Variants in TG observed in about 807,000 individuals in gnomAD.
TG encodes thyroid hormones.
In TG, 270 loss-of-function variants were observed where a neutral mutation model predicts 324.7. The observed-to-expected ratio is 0.83, with a 90% CI of 0.75 to 0.92. The LOEUF (loss-of-function observed/expected upper bound fraction) is 0.92, where lower values mean the gene tolerates loss of function less well. Among genes scored for constraint, TG ranks in the 40% least tolerant of loss-of-function variants. The pLI, the probability that TG is intolerant of heterozygous loss-of-function variation, is 0.00. For missense variants in TG, 3,591 were observed against 3,456.4 expected (o/e 1.04, Z -0.98); for synonymous variants, 1,401 against 1,327.0 (o/e 1.06, Z -1.21).
At chr8:133,100,917 T>C (rs1401643033) in intron 43 of TG, among the ~76,000 whole-genome samples, 1 of 152,196 alleles carries the variant, frequency 6.6e-6, no homozygotes, top group African/African-American at 2.4e-5. Flanking sequence ...TTATCTCAAC[T>C]GTATGGCTGT....
intron 34 of TG, among the ~76,000 whole-genome samples, chr8:132,976,604 C>T (rs989035888): frequency 8.5e-5 from 13 of 152,172 alleles, no homozygotes; most frequent in Non-Finnish European, 1.2e-4. Context: ...TGCCTGCTTG[C>T]AGTGTCTGGG....
intron 37 of TG, among the ~76,000 whole-genome samples, chr8:133,015,498 T>A (rs1249380682): frequency 1.3e-5 from 2 of 152,180 alleles, no homozygotes; most frequent in African/African-American, 4.8e-5. Context: ...TCTAACATTT[T>A]CCCCGTGTTT....
chr8:132,876,539 A>G (rs1201971243), intron 5 of TG, among the ~76,000 whole-genome samples: 2 of 152,154 alleles, frequency 1.3e-5, no homozygotes, highest in African/African-American at 4.8e-5. Flanking sequence ...TGCTGCTGTG[A>G]GTTATTTATG....
intron 41 of TG, among the ~76,000 whole-genome samples, chr8:133,065,204 G>C (rs958301436): frequency 4.6e-5 from 7 of 152,208 alleles, no homozygotes; most frequent in African/African-American, 1.2e-4. Context: ...TGGTCAGCAA[G>C]CATCCTCTGC....
rs1474625104 is a variant in TG, at chr8:132,886,788, T to C, written c.1416T>C (p.Phe472=). The C allele has an allele frequency of 1.9e-6, 3 of 1,614,246 alleles. No homozygotes were observed. The highest frequency in any genetic ancestry group is 2.5e-6 in the Non-Finnish European group (3 of 1,180,048). The change falls in exon 9 of 48, where the codon TTT becomes TTC. Residue 472 remains phenylalanine, a synonymous_variant. Transcript: ENST00000220616. ...TNPKRLQQNL[F]GGKFLVNVGQ... ...CAAAGAGACTCCAGCAAAACCTTTTTGGAGGGAAATTTTTGGTGAATGTTG... is the reference window on the plus strand; with the variant it reads ...CAAAGAGACTCCAGCAAAACCTTTTCGGAGGGAAATTTTTGGTGAATGTTG...
Position 132,887,378 on chromosome 8 carries a change from T to A in TG, c.2006T>A (p.Met669Lys), listed in dbSNP as rs765396579. The change falls in exon 9 of 48, where the codon ATG becomes AAG. Residue 669 changes from methionine (M) to lysine (K), a missense_variant. Met to Lys is a moderately conservative substitution (Grantham distance 95, BLOSUM62 -1). Coordinates refer to ENST00000220616, the MANE Select transcript of TG (RefSeq NM_003235.5). ...PTDCEKQRAR[M>K]QSLMGSQPAG... The stretch of plus-strand genomic sequence containing the variant: ...GACTGTGAAAAGCAAAGGGCTCGCA[T>A]GCAAAGCCTCATGGGCAGCCAGCCT... The A allele has an allele frequency of 6.2e-7, 1 of 1,614,218 alleles. No individual in the cohort carries two copies. Among genetic ancestry groups the A allele is most frequent in the Non-Finnish European group, 8.5e-7 (1 of 1,180,028 alleles).
Position 132,887,466 on chromosome 8 carries a change from C to G in TG, c.2094C>G (p.Cys698Trp). ...TSEGHFLPVQCFNSECYCVDA... is the reference protein window; with the variant it reads ...TSEGHFLPVQWFNSECYCVDA... ...AGGGACATTTCCTGCCTGTCCAGTG[C>G]TTCAACTCAGAGTGCTACTGTGTTG... The change falls in exon 9 of 48, where the codon TGC becomes TGG. Residue 698 changes from cysteine (C) to tryptophan (W), a missense_variant. By Grantham distance (215) the Cys-to-Trp change is radical (BLOSUM62 -2). Coordinates refer to ENST00000220616, the MANE Select transcript of TG (RefSeq NM_003235.5). 3 of 1,614,198 alleles carry G rather than the reference C, an allele frequency of 1.9e-6. No homozygotes were observed. The highest frequency in any genetic ancestry group is 2.2e-5 in the South Asian group (2 of 91,090).
At chr8:133,038,465 C>A in intron 41 of TG, 1 of 1,375,368 alleles carries the variant, frequency 7.3e-7, no homozygotes, top group South Asian at 1.2e-5. Context: ...TCGCAAGATC[C>A]CAGGCAATAG....
intron 41 of TG, among the ~76,000 whole-genome samples, chr8:133,044,128 A>G (rs574534280): frequency 1.1e-4 from 17 of 152,182 alleles, no homozygotes; most frequent in Non-Finnish European, 2.4e-4. Context: ...GCTAACAGTG[A>G]GTGGATCTGG....
At chr8:132,963,670 A>AGTGTGTGT (rs57531255) in intron 29 of TG, among the ~76,000 whole-genome samples, 102 of 145,188 alleles carry the variant, frequency 7.0e-4, no homozygotes, top group Middle Eastern at 3.5e-3. Context: ...TGTGGTCTGC[A>AGTGTGTGT]GTGTGTGTGT....
In TG at chr8:132,888,053, C is replaced by T. The variant is rs753843881; in HGVS notation, c.2246C>T (p.Ser749Phe). Reference sequence around the variant, plus strand: ...ACGGTGCAGGCCCTGCTCTCTAACTCCAGCATGCTACCCACCCTTTCCGAC... The same window carrying T: ...ACGGTGCAGGCCCTGCTCTCTAACTTCAGCATGCTACCCACCCTTTCCGAC... ...LRTVQALLSN[S>F]SMLPTLSDTY... Residue 749 changes from serine (S) to phenylalanine (F), a missense_variant, in exon 10 of 48, where the codon TCC (serine) becomes TTC (phenylalanine). Physicochemically the swap from Ser to Phe is radical, Grantham distance 155. Coordinates refer to ENST00000220616, the MANE Select transcript of TG (RefSeq NM_003235.5). 1.2e-6 allele frequency: 2 copies of T among 1,614,196 alleles called. No individual in the cohort carries two copies. The highest frequency in any genetic ancestry group is 1.7e-6 in the Non-Finnish European group (2 of 1,180,042).
In TG at chr8:132,946,071, CA is replaced by C. The variant is rs869310935; in HGVS notation, c.5234-2704del. Among the ~76,000 whole-genome samples, 251 of 47,252 alleles carry C rather than the reference CA, an allele frequency of 5.3e-3. 1 individual carries two copies. The highest frequency in any genetic ancestry group is 0.026 in the Middle Eastern group (2 of 76). 31.0% of individuals were successfully genotyped at this position (47,252 alleles called of 152,430 possible). ...ACACACACACACACACACACACACA[CA>C]CCCTATATTTGTCTTGATGTATATC... On this transcript the variant is annotated intron_variant, in intron 26 of 47. Coordinates refer to ENST00000220616, the MANE Select transcript of TG (RefSeq NM_003235.5).
Position 132,893,770 on chromosome 8 carries a change from A to G in TG, c.2842A>G (p.Ser948Gly). The part of the protein sequence containing the change: ...ETEEIVSASN[S>G]SRFPLGESFL... ...GGAAGAGATTGTTTCAGCTTCCAAC[A>G]GTTCTCGGTTCCCTCTGGGGGAGAG... The change falls in exon 11 of 48, where the codon AGT becomes GGT. Residue 948 changes from serine to glycine, a missense_variant. Transcript: ENST00000220616. 1 of 1,613,944 alleles carries G rather than the reference A, an allele frequency of 6.2e-7. No individual in the cohort carries two copies. Among genetic ancestry groups the G allele is most frequent in the Middle Eastern group, 1.7e-4 (1 of 6,060 alleles).
intron 41 of TG, 51 bp from the exon 42 acceptor site, chr8:133,094,993 G>T: frequency 6.2e-7 from 1 of 1,611,526 alleles, no homozygotes; most frequent in East Asian, 2.2e-5. Context: ...CAGGTGAGCA[G>T]GGGCTGAAGA....
Position 132,871,614 on chromosome 8 carries a change from G to A in TG, c.478+63G>A, listed in dbSNP as rs1300034535. On this transcript the variant is annotated intron_variant, in intron 4 of 47. Transcript: ENST00000220616. ...GAGGGGCTGAAGCTTTCCTCACTGC[G>A]ATCCAACACATTTAGGGTTTCCTGC... 1.2e-5 allele frequency: 18 copies of A among 1,532,826 alleles called. No homozygotes were observed. In the South Asian group the frequency reaches 1.2e-4, roughly 10 times the overall value. 95.0% of individuals were successfully genotyped at this position (1,532,826 alleles called of 1,614,324 possible).
chr8:132,945,521 GT>G (rs925398601), intron 26 of TG, among the ~76,000 whole-genome samples: 1 of 152,148 alleles, frequency 6.6e-6, no homozygotes, highest in African/African-American at 2.4e-5. Flanking sequence ...TGTCAGCTGA[GT>G]TTTTAGATGC....
intron 20 of TG, among the ~76,000 whole-genome samples, chr8:132,916,672 C>A (rs182364614): frequency 6.6e-6 from 1 of 152,144 alleles, no homozygotes; most frequent in Admixed American, 6.5e-5. Context: ...TTGGTGACGG[C>A]CAGGGAGCAG....
At chr8:132,874,502 A>T (rs759825887) in intron 5 of TG, among the ~76,000 whole-genome samples, 3 of 152,190 alleles carry the variant, frequency 2.0e-5, no homozygotes, top group Non-Finnish European at 4.4e-5. Context: ...GCAAAGACTG[A>T]TATGAATTCT....
chr8:133,023,455 C>T (rs768066765), intron 40 of TG, among the ~76,000 whole-genome samples: 17 of 152,146 alleles, frequency 1.1e-4, no homozygotes, highest in Admixed American at 5.2e-4. Flanking sequence ...ATTATCCCCA[C>T]CCTCTTTCAC....
Sources: allele counts gnomAD v4.1 joint callset (sites outside exome capture counted in the v4.1 genomes callset), GRCh38; gene constraint gnomAD v4.1.1; transcripts MANE v1.5; gene names NCBI Gene and HGNC (gene_info 2026-07-23, HGNC 2026-07-21).